ARHGAP15: variants seen among roughly 807,000 people sequenced by gnomAD.
The protein encoded by ARHGAP15 is rho GTPase-activating protein 15.
In ARHGAP15, 51 loss-of-function variants were observed where a neutral mutation model predicts 63.7. That is an observed-to-expected ratio of 0.80 (90% CI 0.64 to 1.01). The LOEUF (loss-of-function observed/expected upper bound fraction) is 1.01. ARHGAP15 is among the 50% of genes least tolerant of loss of function. The probability of loss-of-function intolerance (pLI) is 0.00; values close to 1 mark genes in which losing one functional copy is unlikely to be tolerated. For synonymous variants in ARHGAP15, 191 were observed against 193.8 expected (o/e 0.99, Z 0.12); for missense variants, 560 against 564.6 (o/e 0.99, Z 0.08).
At chr2:143,258,804 G>C (rs923741937) in intron 6 of ARHGAP15, among the ~76,000 whole-genome samples, 1 of 152,100 alleles carries the variant, frequency 6.6e-6, no homozygotes, top group Non-Finnish European at 1.5e-5. Context: ...TTTTAGTAGA[G>C]AGCTATTAGA....
At chr2:143,411,662 C>T (rs915740349) in intron 6 of ARHGAP15, among the ~76,000 whole-genome samples, 1 of 152,104 alleles carries the variant, frequency 6.6e-6, no homozygotes, top group Non-Finnish European at 1.5e-5. Context: ...TAAGTATTGA[C>T]ATACTACTGT....
At chr2:143,474,841 AG>A (rs1691738281) in intron 8 of ARHGAP15, among the ~76,000 whole-genome samples, 1 of 152,214 alleles carries the variant, frequency 6.6e-6, no homozygotes, top group Non-Finnish European at 1.5e-5. Context: ...AACAGAAAAA[AG>A]CTTGGCAATT....
In ARHGAP15 at chr2:143,624,176, C is replaced by T. The variant is rs766494296; in HGVS notation, c.1047C>T (p.His349=). ...ACGACAGCCAGTGGGAGGACATCCA[C>T]GTTGTCACCGGAGCACTGAAGATGT... is the stretch of plus-strand genomic sequence containing the variant. ...NLDDSQWEDI[H]VVTGALKMFF... is the part of the protein sequence containing the mutation. The change falls in exon 12 of 14, where the codon CAC becomes CAT. Residue 349 remains histidine, a synonymous_variant. Transcript: ENST00000295095. The T allele has an allele frequency of 1.9e-6, 3 of 1,613,608 alleles. No individual in the cohort carries two copies. The highest frequency in any genetic ancestry group is 3.3e-4 in the Middle Eastern group (2 of 6,060).
intron 6 of ARHGAP15, among the ~76,000 whole-genome samples, chr2:143,379,483 ATATATG>A (rs1018618101): frequency 7.8e-5 from 4 of 50,964 alleles, no homozygotes; most frequent in Non-Finnish European, 1.3e-4. Flanking sequence ...TTTTAGGCAT[ATATATG>A]TGTGTGTGTG....
intron 1 of ARHGAP15, among the ~76,000 whole-genome samples, chr2:143,137,408 T>A (rs1027464485): frequency 1.3e-5 from 2 of 152,012 alleles, no homozygotes; most frequent in African/African-American, 2.4e-5. Flanking sequence ...GATGTGTGAA[T>A]TTTCCTGGTC....
intron 6 of ARHGAP15, among the ~76,000 whole-genome samples, chr2:143,266,286 G>A (rs903378034): frequency 1.3e-5 from 2 of 152,074 alleles, no homozygotes; most frequent in South Asian, 4.1e-4. Context: ...CTAAAGTCAA[G>A]CAAAATTAAT....
intron 12 of ARHGAP15, among the ~76,000 whole-genome samples, chr2:143,693,530 T>A (rs1470497047): frequency 6.6e-6 from 1 of 152,208 alleles, no homozygotes; most frequent in Non-Finnish European, 1.5e-5. Flanking sequence ...ATTAGTTGTC[T>A]CAATCTTTTT....
At chr2:143,284,943 T>C (rs1241339212) in intron 6 of ARHGAP15, among the ~76,000 whole-genome samples, 1 of 152,270 alleles carries the variant, frequency 6.6e-6, no homozygotes, top group East Asian at 1.9e-4. Flanking sequence ...TGAAAGACAA[T>C]GTACATTTGG....
chr2:143,153,841 T>TC (rs1459669023), intron 1 of ARHGAP15, among the ~76,000 whole-genome samples: 9,209 of 84,388 alleles, frequency 0.11, 975 homozygotes, highest in East Asian at 0.14. Context: ...TTCTTCTTCT[T>TC]CTTCCTCCTC....
intron 6 of ARHGAP15, among the ~76,000 whole-genome samples, chr2:143,293,256 G>A (rs147131187): frequency 1.1e-3 from 165 of 152,054 alleles, no homozygotes; most frequent in African/African-American, 3.9e-3. Context: ...TTTATTCATC[G>A]AGTAATGCTC....
At chr2:143,718,393 A>G (rs1684904393) in intron 13 of ARHGAP15, among the ~76,000 whole-genome samples, 1 of 152,206 alleles carries the variant, frequency 6.6e-6, no homozygotes, top group Admixed American at 6.5e-5. Flanking sequence ...AAGTAGCTAC[A>G]AAACAGTAGA....
At chr2:143,274,020 C>T (rs764846164) in intron 6 of ARHGAP15, among the ~76,000 whole-genome samples, 3 of 152,094 alleles carry the variant, frequency 2.0e-5, no homozygotes, top group Non-Finnish European at 4.4e-5. Flanking sequence ...GTATGGCTTT[C>T]TGCATTTGGT....
At chr2:143,261,755 C>G (rs1437664353) in intron 6 of ARHGAP15, among the ~76,000 whole-genome samples, 1 of 152,098 alleles carries the variant, frequency 6.6e-6, no homozygotes, top group East Asian at 1.9e-4. Flanking sequence ...AAATTTGAGA[C>G]TAGGAATTGT....
At chr2:143,584,883 G>A (rs1697050937) in intron 11 of ARHGAP15, among the ~76,000 whole-genome samples, 1 of 152,104 alleles carries the variant, frequency 6.6e-6, no homozygotes, top group Non-Finnish European at 1.5e-5. Context: ...AGAACCAGTG[G>A]CAGGTAAAAT....
At chr2:143,477,254 TAAC>T (rs963181665) in intron 8 of ARHGAP15, among the ~76,000 whole-genome samples, 20 of 151,780 alleles carry the variant, frequency 1.3e-4, no homozygotes, top group South Asian at 1.0e-3. Flanking sequence ...TCTAATCTAA[TAAC>T]AACAGATGCA....
At chr2:143,132,408 A>C (rs142694738) in intron 1 of ARHGAP15, among the ~76,000 whole-genome samples, 1 of 152,202 alleles carries the variant, frequency 6.6e-6, no homozygotes, top group South Asian at 2.1e-4. Context: ...TCTTTTCACT[A>C]TGCTGTAAGC....
At chr2:143,322,772 T>G (rs1353100593) in intron 6 of ARHGAP15, among the ~76,000 whole-genome samples, 1 of 152,214 alleles carries the variant, frequency 6.6e-6, no homozygotes, top group Non-Finnish European at 1.5e-5. Context: ...GATGTGGTAC[T>G]GGATTAGAGA....
intron 6 of ARHGAP15, chr2:143,295,431 G>GT (rs1553460287): frequency 1.1e-4 from 17 of 151,634 alleles, no homozygotes; most frequent in Admixed American, 1.1e-3. Context: ...CTGTTGAGGA[G>GT]AAGAGACCCT....
chr2:143,340,014 C>T (rs948766889), intron 6 of ARHGAP15, among the ~76,000 whole-genome samples: 7 of 152,106 alleles, frequency 4.6e-5, no homozygotes, highest in East Asian at 3.9e-4. Flanking sequence ...CATAACCCAA[C>T]ATTAGTGTTC....
Sources: allele counts gnomAD v4.1 joint callset (sites outside exome capture counted in the v4.1 genomes callset), GRCh38; gene constraint gnomAD v4.1.1; transcripts MANE v1.5; gene names NCBI Gene and HGNC (gene_info 2026-07-23, HGNC 2026-07-21).